The following EPSTI1 variants were observed in gnomAD, a reference collection of about 807,000 sequenced individuals.
EPSTI1 encodes the protein epithelial-stromal interaction protein 1.
Under a neutral mutation model 49.9 loss-of-function variants are expected in EPSTI1, and 66 were observed. The ratio of observed to expected loss-of-function variants is 1.32; its 90% CI spans 1.08 to 1.62. The LOEUF is 1.62. Ranked by LOEUF, EPSTI1 falls within the 40% of genes most tolerant of loss-of-function variation. The probability of loss-of-function intolerance (pLI) is 0.00; values close to 1 mark genes in which losing one functional copy is unlikely to be tolerated. For missense variants in EPSTI1, 394 were observed against 365.5 expected (o/e 1.08, Z -0.64); for synonymous variants, 137 against 130.7 (o/e 1.05, Z -0.33).
chr13:42,926,449 G>C lies in EPSTI1; in HGVS notation c.564-20C>G, dbSNP rs377668194. 22 of 1,393,204 alleles carry C rather than the reference G, an allele frequency of 1.6e-5. No homozygotes were observed. The highest frequency in any genetic ancestry group is 2.2e-5 in the Non-Finnish European group (22 of 978,644). 86.3% of individuals were successfully genotyped at this position (1,393,204 alleles called of 1,614,324 possible). ...GTTTTGCTACCAGAAACACAAACAG[G>C]TGTTAGTGCCTTCACAAAAATATGA... On this transcript the variant is annotated intron_variant, in intron 6 of 10. Coordinates refer to ENST00000313624, the MANE Select transcript of EPSTI1 (RefSeq NM_033255.5).
At position 42,888,507 on chromosome 13, in the gene EPSTI1, A is replaced by C; in HGVS notation, c.916-5T>G. ...GTCAATATTTTCTCATATACCCTGG[A>C]AGAAAAAGAAAACAAAAATTACTGC... is the stretch of plus-strand genomic sequence containing the variant. On this transcript the variant is annotated splice_region_variant and splice_polypyrimidine_tract_variant and intron_variant, in intron 10 of 10. Transcript: ENST00000313624. 2 of 1,582,464 alleles carry C rather than the reference A, an allele frequency of 1.3e-6. No homozygotes were observed. The highest frequency in any genetic ancestry group is 2.3e-5 in the South Asian group (2 of 85,312).
At chr13:42,987,725 T>C (rs907972581) in intron 1 of EPSTI1, among the ~76,000 whole-genome samples, 91 of 152,346 alleles carry the variant, frequency 6.0e-4, no homozygotes, top group African/African-American at 2.1e-3. Context: ...TATTAATAAA[T>C]GTCTGTCCCA....
At chr13:42,917,243 GT>G (rs1019782756) in intron 8 of EPSTI1, among the ~76,000 whole-genome samples, 1 of 151,958 alleles carries the variant, frequency 6.6e-6, no homozygotes, top group Non-Finnish European at 1.5e-5. Flanking sequence ...TGGTGGTGGT[GT>G]TTTGTTTTGC....
At chr13:42,911,022 C>T (rs2037656144) in intron 8 of EPSTI1, among the ~76,000 whole-genome samples, 1 of 152,022 alleles carries the variant, frequency 6.6e-6, no homozygotes, top group African/African-American at 2.4e-5. Flanking sequence ...AACTAAAGAG[C>T]CAAATATTCT....
At chr13:42,894,883 C>T (rs2037145154) in intron 10 of EPSTI1, 126 bp downstream of exon 10, 3 of 760,032 alleles carry the variant, frequency 3.9e-6, no homozygotes, top group Non-Finnish European at 6.3e-6. Context: ...CTGCCCATCA[C>T]ACTGCCAAAC....
At chr13:42,914,941 T>C (rs898096948) in intron 8 of EPSTI1, among the ~76,000 whole-genome samples, 1 of 152,190 alleles carries the variant, frequency 6.6e-6, no homozygotes, top group African/African-American at 2.4e-5. Context: ...AGTTTAAACT[T>C]GAGGAGGCTC....
intron 8 of EPSTI1, among the ~76,000 whole-genome samples, chr13:42,906,240 A>G (rs1049233682): frequency 2.6e-5 from 4 of 152,118 alleles, no homozygotes; most frequent in African/African-American, 9.7e-5. Flanking sequence ...CAATTGTCTG[A>G]TGGTGCCCTG....
At chr13:42,969,659 A>C (rs75937919) in intron 2 of EPSTI1, 3,502 of 170,538 alleles carry the variant, frequency 0.021, 133 homozygotes, top group African/African-American at 0.08. Flanking sequence ...TCGGTGCTAC[A>C]GGTGGAGACC....
chr13:42,966,745 C>T (rs1421470288), intron 3 of EPSTI1, among the ~76,000 whole-genome samples: 2 of 87,370 alleles, frequency 2.3e-5, no homozygotes, highest in African/African-American at 3.5e-5. Flanking sequence ...GTGAGGGGCG[C>T]CTCCGCCCGG....
intron 5 of EPSTI1, among the ~76,000 whole-genome samples, chr13:42,956,155 A>G (rs2039264693): frequency 6.6e-6 from 1 of 152,216 alleles, no homozygotes; most frequent in African/African-American, 2.4e-5. Flanking sequence ...TTGTCAGGAA[A>G]TGCTCTCAAA....
At chr13:42,939,599 T>C (rs150941310) in intron 6 of EPSTI1, among the ~76,000 whole-genome samples, 1 of 152,272 alleles carries the variant, frequency 6.6e-6, no homozygotes, top group East Asian at 1.9e-4. Context: ...ACAACATTTA[T>C]TGATTAAATT....
intron 5 of EPSTI1, among the ~76,000 whole-genome samples, chr13:42,954,630 A>G (rs940414752): frequency 1.3e-5 from 2 of 152,154 alleles, no homozygotes; most frequent in Non-Finnish European, 2.9e-5. Context: ...ATTTGATATT[A>G]CTGTCACCAT....
intron 1 of EPSTI1, among the ~76,000 whole-genome samples, chr13:42,988,657 G>A (rs1302738675): frequency 1.3e-5 from 2 of 151,950 alleles, no homozygotes; most frequent in African/African-American, 4.8e-5. Context: ...CTTGAACACG[G>A]GAGGCAGAGG....
intron 6 of EPSTI1, among the ~76,000 whole-genome samples, chr13:42,948,496 C>A (rs1285042243): frequency 7.2e-6 from 1 of 139,530 alleles, no homozygotes; most frequent in African/African-American, 2.7e-5. Flanking sequence ...TTCGGTGAGA[C>A]AAGGTCTCGT....
chr13:42,960,092 G>T (rs4430644), intron 5 of EPSTI1, among the ~76,000 whole-genome samples: 83,338 of 151,878 alleles, frequency 0.55, 23,596 homozygotes, highest in East Asian at 0.77. Context: ...ATTGTGTTGT[G>T]GGGGGAGGGG....
chr13:42,980,634 A>AT (rs1187018848), intron 1 of EPSTI1, among the ~76,000 whole-genome samples: 2 of 152,156 alleles, frequency 1.3e-5, no homozygotes, highest in African/African-American at 4.8e-5. Flanking sequence ...ATACATGGTG[A>AT]TTATGGGAGC....
chr13:42,924,833 A>G (rs528180727), intron 7 of EPSTI1, among the ~76,000 whole-genome samples: 4 of 152,216 alleles, frequency 2.6e-5, no homozygotes, highest in Non-Finnish European at 5.9e-5. Flanking sequence ...GTAGGAGTAT[A>G]ATGACCTCTT....
At chr13:42,987,753 T>C (rs1026779807) in intron 1 of EPSTI1, among the ~76,000 whole-genome samples, 4 of 152,222 alleles carry the variant, frequency 2.6e-5, no homozygotes, top group Non-Finnish European at 4.4e-5. Context: ...GACAGTAAGC[T>C]TCATAAGGGC....
chr13:42,950,140 G>A (rs747045475), intron 6 of EPSTI1, among the ~76,000 whole-genome samples: 81 of 152,282 alleles, frequency 5.3e-4, no homozygotes, highest in Admixed American at 8.5e-4. Context: ...ATCCTAAAAC[G>A]AATTCTAAAT....
Sources: gnomAD v4.1 joint callset for allele counts (sites outside exome capture counted in the v4.1 genomes callset) on GRCh38, gnomAD v4.1.1 for gene constraint, MANE v1.5 for transcripts, NCBI Gene and HGNC (gene_info 2026-07-23, HGNC 2026-07-21) for gene names.